Variants in BCHE observed in about 807,000 individuals in gnomAD.
The protein encoded by BCHE is butyrylcholinesterase.
BCHE carries 48 observed loss-of-function variants against 51.3 expected under a neutral mutation model. That is an observed-to-expected ratio of 0.94 (90% confidence interval 0.74 to 1.19). The LOEUF (loss-of-function observed/expected upper bound fraction) is 1.19. Among genes scored for constraint, BCHE ranks in the 50% most tolerant of loss-of-function variants. The pLI is 0.00. For synonymous variants in BCHE, 251 were observed against 238.0 expected (o/e 1.05, Z -0.50); for missense variants, 847 against 708.2 (o/e 1.20, Z -2.23).
chr3:165,786,881 A>G (rs1712976039), intron 2 of BCHE, among the ~76,000 whole-genome samples: 1 of 151,804 alleles, frequency 6.6e-6, no homozygotes, highest in Admixed American at 6.6e-5. Flanking sequence ...AAATCTTTCA[A>G]TAATTCTTAA....
intron 2 of BCHE, among the ~76,000 whole-genome samples, chr3:165,795,031 T>G (rs1246581827): frequency 6.6e-6 from 1 of 152,148 alleles, no homozygotes; most frequent in African/African-American, 2.4e-5. Flanking sequence ...GCAGTAAGAA[T>G]TAAGTGAATA....
At position 165,798,168 on chromosome 3, in the gene BCHE, T is replaced by A. The variant is rs557799177; in HGVS notation, c.1518-11857A>T. Among the ~76,000 whole-genome samples the A allele has an allele frequency of 7.9e-5, 12 of 152,314 alleles. No individual in the cohort carries two copies. The South Asian group carries it at 2.3e-3, about 29-fold the overall frequency. On this transcript the variant is annotated intron_variant, in intron 2 of 3. Transcript: ENST00000264381. ...AGGTTTTACCTGAGTAAGTAAACCA[T>A]TAGACTAATTGTATTAGAAAGAACC...
intron 2 of BCHE, among the ~76,000 whole-genome samples, chr3:165,789,821 A>G (rs1357045752): frequency 6.6e-6 from 1 of 152,202 alleles, no homozygotes; most frequent in Non-Finnish European, 1.5e-5. Context: ...TAGAAAACAG[A>G]TTCATTCCTT....
At chr3:165,803,182 T>C (rs1217298379) in intron 2 of BCHE, among the ~76,000 whole-genome samples, 1 of 152,182 alleles carries the variant, frequency 6.6e-6, no homozygotes, top group Non-Finnish European at 1.5e-5. Flanking sequence ...AAAGTATTCA[T>C]TGACTACCTA....
At chr3:165,803,459 T>C (rs1713745983) in intron 2 of BCHE, among the ~76,000 whole-genome samples, 1 of 152,314 alleles carries the variant, frequency 6.6e-6, no homozygotes, top group African/African-American at 2.4e-5. Flanking sequence ...AGTCATATTC[T>C]TACTGAGCCA....
At chr3:165,821,500 A>C (rs1182543776) in intron 2 of BCHE, among the ~76,000 whole-genome samples, 7 of 152,000 alleles carry the variant, frequency 4.6e-5, no homozygotes, top group Non-Finnish European at 8.8e-5. Flanking sequence ...GTGATGTTAA[A>C]ATACTGTTAT....
At chr3:165,829,383 A>G in intron 2 of BCHE, 134 bp downstream of exon 2, 1 of 813,904 alleles carries the variant, frequency 1.2e-6, no homozygotes, top group Admixed American at 2.4e-5. Flanking sequence ...AAATAAAACC[A>G]GCTTTGGTAC....
At chr3:165,833,785 A>AT (rs5854163) in intron 1 of BCHE, among the ~76,000 whole-genome samples, 7 of 151,688 alleles carry the variant, frequency 4.6e-5, no homozygotes, top group Non-Finnish European at 7.4e-5. Context: ...TGCTAGTATG[A>AT]TTTTTTTTAT....
chr3:165,824,641 C>A (rs1714652827), intron 2 of BCHE, among the ~76,000 whole-genome samples: 3 of 151,710 alleles, frequency 2.0e-5, no homozygotes, highest in Non-Finnish European at 4.4e-5. Flanking sequence ...TATTTAACCC[C>A]CAAATTAAAA....
At chr3:165,802,389 G>A (rs1333678013) in intron 2 of BCHE, among the ~76,000 whole-genome samples, 1 of 152,154 alleles carries the variant, frequency 6.6e-6, no homozygotes, top group Non-Finnish European at 1.5e-5. Flanking sequence ...GCAGTGCTAA[G>A]ATCTGGCTTA....
At chr3:165,775,223 T>C (rs186395932) in intron 3 of BCHE, among the ~76,000 whole-genome samples, 2 of 152,012 alleles carry the variant, frequency 1.3e-5, no homozygotes, top group Non-Finnish European at 2.9e-5. Context: ...TTGCAGACAT[T>C]ACAATATCCC....
At chr3:165,808,481 G>A (rs548357089) in intron 2 of BCHE, among the ~76,000 whole-genome samples, 2 of 151,786 alleles carry the variant, frequency 1.3e-5, no homozygotes, top group Non-Finnish European at 2.9e-5. Context: ...CTGTTGATAT[G>A]TTTAATTTGT....
chr3:165,818,532 C>T (rs557634455), intron 2 of BCHE, among the ~76,000 whole-genome samples: 46 of 152,204 alleles, frequency 3.0e-4, no homozygotes, highest in Non-Finnish European at 6.0e-4. Flanking sequence ...ACTTTCCAAT[C>T]ATCAGTAGCT....
At chr3:165,799,495 T>G (rs187927638) in intron 2 of BCHE, among the ~76,000 whole-genome samples, 1 of 152,242 alleles carries the variant, frequency 6.6e-6, no homozygotes, top group Admixed American at 6.5e-5. Context: ...TTAATTTTAT[T>G]TGTATATCTA....
intron 2 of BCHE, among the ~76,000 whole-genome samples, chr3:165,789,312 C>T (rs1576841302): frequency 6.7e-6 from 1 of 150,186 alleles, no homozygotes. Flanking sequence ...AGCAGAGTAT[C>T]TTTTTTTTTA....
At chr3:165,781,680 C>A (rs1214488608) in intron 3 of BCHE, among the ~76,000 whole-genome samples, 1 of 152,060 alleles carries the variant, frequency 6.6e-6, no homozygotes, top group African/African-American at 2.4e-5. Context: ...ATAGGCTCAA[C>A]AAGCCGCCAT....
chr3:165,818,046 C>A (rs970581439), intron 2 of BCHE, among the ~76,000 whole-genome samples: 2 of 152,002 alleles, frequency 1.3e-5, no homozygotes, highest in Non-Finnish European at 2.9e-5. Context: ...TGGAAACAAT[C>A]TCATGACTTT....
intron 2 of BCHE, among the ~76,000 whole-genome samples, chr3:165,815,112 A>G (rs1714260487): frequency 6.6e-6 from 1 of 150,882 alleles, no homozygotes; most frequent in Middle Eastern, 3.5e-3. Context: ...TATTTTTCAC[A>G]TTTAACTGAA....
chr3:165,830,933 A>T lies in BCHE; in HGVS notation c.101T>A (p.Ile34Asn). The T allele has an allele frequency of 4.3e-6, 7 of 1,613,938 alleles. No individual in the cohort carries two copies. The highest frequency in any genetic ancestry group is 4.2e-6 in the Non-Finnish European group (5 of 1,179,900). The change falls in exon 2 of 4, where the codon ATT becomes AAT. Residue 34 changes from isoleucine to asparagine, a missense_variant. Transcript: ENST00000264381. ...TCTGACTTTTCCATTCTTTGTTGCA[A>T]TTATGATGTCATCTTCAGTATGTGA... ...GKSHTEDDIIIATKNGKVRGM... is the reference protein window; with the variant it reads ...GKSHTEDDIINATKNGKVRGM...
Sources: allele counts gnomAD v4.1 joint callset (sites outside exome capture counted in the v4.1 genomes callset), GRCh38; gene constraint gnomAD v4.1.1; transcripts MANE v1.5; gene names NCBI Gene and HGNC (gene_info 2026-07-23, HGNC 2026-07-21).